Variants in VPS37A observed in about 807,000 individuals in gnomAD.
VPS37A encodes VPS37A subunit of ESCRT-I, also known as vacuolar protein sorting-associated protein 37A.
A neutral mutation model predicts 49.8 loss-of-function variants in VPS37A; 30 were observed. The ratio of observed to expected loss-of-function variants is 0.60; its 90% confidence interval spans 0.45 to 0.82. VPS37A has a LOEUF of 0.82. VPS37A is among the 40% of genes least tolerant of loss of function. The pLI, the probability that VPS37A is intolerant of heterozygous loss-of-function variation, is 0.00. For synonymous variants in VPS37A, 195 were observed against 160.6 expected, an observed-to-expected ratio of 1.21 and a Z score of -1.62; for missense variants, 593 against 464.4, an observed-to-expected ratio of 1.28 and a Z score of -2.55.
the VPS37A span, among the ~76,000 whole-genome samples, chr8:17,328,575 G>C: frequency 6.6e-6 from 1 of 152,006 alleles, no homozygotes; most frequent in Non-Finnish European, 1.5e-5. Context: ...GGCGGGGGTG[G>C]GGGAGTGGAG....
At chr8:17,253,652 G>A (rs1036095021) in intron 1 of VPS37A, among the ~76,000 whole-genome samples, 1 of 152,160 alleles carries the variant, frequency 6.6e-6, no homozygotes, top group Non-Finnish European at 1.5e-5. Flanking sequence ...TCTTTTAAAT[G>A]TAACTCAGAT....
chr8:17,299,427 A>T, downstream of VPS37A: 1 of 160,774 alleles, frequency 6.2e-6, no homozygotes, highest in Non-Finnish European at 1.4e-5. Context: ...AGGGTCGGAA[A>T]GGAGGATAAT....
rs115729515 is a variant in VPS37A at position 17,271,285 on chromosome 8, G to A, written c.416+2329G>A. On this transcript the variant is annotated intron_variant, in intron 4 of 11. Transcript: ENST00000324849. Reference sequence around the variant, plus strand: ...TTTGGTACTTTCTCTGTCCCTTGTAGACCCAAGATGACACAATTCCTTTAA... The same window carrying A: ...TTTGGTACTTTCTCTGTCCCTTGTAAACCCAAGATGACACAATTCCTTTAA... Among the ~76,000 whole-genome samples, 797 of 152,228 alleles carry A rather than the reference G, an allele frequency of 5.2e-3. 8 individuals carry two copies. Among genetic ancestry groups the A allele is most frequent in the African/African-American group, 0.018 (758 of 41,540 alleles).
At position 17,265,996 on chromosome 8, in the gene VPS37A, A is replaced by T; in HGVS notation, c.200+15A>T. Reference sequence around the variant, plus strand: ...AACATTAATATGTGAGTAGAATTGTATCCTACTTTTTCATGTAAAAGGACT... The same window carrying T: ...AACATTAATATGTGAGTAGAATTGTTTCCTACTTTTTCATGTAAAAGGACT... On this transcript the variant is annotated intron_variant, in intron 2 of 11. Transcript: ENST00000324849. The T allele has an allele frequency of 6.3e-7, 1 of 1,599,424 alleles. No homozygotes were observed. Among genetic ancestry groups the T allele is most frequent in the Non-Finnish European group, 8.5e-7 (1 of 1,173,520 alleles).
chr8:17,263,032 G>A (rs893412785), intron 1 of VPS37A, among the ~76,000 whole-genome samples: 17 of 146,968 alleles, frequency 1.2e-4, no homozygotes, highest in Non-Finnish European at 1.9e-4. Context: ...TTGCACTCCA[G>A]CCTGATGACT....
At chr8:17,322,617 C>G in the VPS37A span, among the ~76,000 whole-genome samples, 2 of 152,028 alleles carry the variant, frequency 1.3e-5, no homozygotes, top group South Asian at 4.2e-4. Context: ...CCCAGGAGTT[C>G]AAGATCAACC....
At chr8:17,271,157 T>A (rs1813948784) in intron 4 of VPS37A, among the ~76,000 whole-genome samples, 1 of 152,238 alleles carries the variant, frequency 6.6e-6, no homozygotes, top group Admixed American at 6.5e-5. Context: ...GCCTTCTGTG[T>A]CATAATTCCT....
intron 1 of VPS37A, among the ~76,000 whole-genome samples, chr8:17,265,359 G>A (rs1813347004): frequency 6.6e-6 from 1 of 152,146 alleles, no homozygotes; most frequent in African/African-American, 2.4e-5. Flanking sequence ...CTAGCTATAA[G>A]AACTAACTAG....
intron 9 of VPS37A, 78 bp from the exon 10 acceptor site, chr8:17,284,395 C>T: frequency 2.0e-6 from 3 of 1,480,120 alleles, no homozygotes; most frequent in East Asian, 2.5e-5. Flanking sequence ...CTCTCCATAC[C>T]ACTACCTTAC....
chr8:17,315,821 A>G, the VPS37A span, among the ~76,000 whole-genome samples: 1 of 152,146 alleles, frequency 6.6e-6, no homozygotes, highest in Non-Finnish European at 1.5e-5. Flanking sequence ...AGAACAGCCT[A>G]TATAAAGTAG....
At chr8:17,274,634 A>G in intron 4 of VPS37A, 99 bp from the exon 5 acceptor site, 1 of 841,770 alleles carries the variant, frequency 1.2e-6, no homozygotes, top group Non-Finnish European at 1.9e-6. Flanking sequence ...CATTTCATCT[A>G]TATAGTACTT....
At position 17,276,456 on chromosome 8, in the gene VPS37A, C is replaced by A. The variant is rs138313794; in HGVS notation, c.702C>A (p.Leu234=). The stretch of plus-strand genomic sequence containing the variant: ...ATGTCCCTGATGCATTTCCAGAACT[C>A]TCAGAACTAAGGTAAACCTGGAAAG... ...MPDVPDAFPE[L]SELSVSQLTD... Residue 234 remains leucine, a synonymous_variant, in exon 6 of 12, where the codon CTC becomes CTA. Coordinates refer to ENST00000324849, the MANE Select transcript of VPS37A (RefSeq NM_152415.3). 1.9e-6 allele frequency: 3 copies of A among 1,611,020 alleles called. No homozygotes were observed. Among genetic ancestry groups the A allele is most frequent in the Non-Finnish European group, 2.5e-6 (3 of 1,178,654 alleles).
the VPS37A span, among the ~76,000 whole-genome samples, chr8:17,332,637 G>C: frequency 9.2e-5 from 14 of 152,190 alleles, no homozygotes; most frequent in Non-Finnish European, 1.6e-4. Context: ...CATCACAAGA[G>C]AAGTACACTT....
intron 9 of VPS37A, among the ~76,000 whole-genome samples, chr8:17,282,838 C>T (rs1215792118): frequency 6.6e-6 from 1 of 152,158 alleles, no homozygotes; most frequent in East Asian, 1.9e-4. Context: ...ATCTTCTGCG[C>T]TCTTACATAT....
At chr8:17,254,711 G>A (rs1812281745) in intron 1 of VPS37A, among the ~76,000 whole-genome samples, 1 of 151,454 alleles carries the variant, frequency 6.6e-6, no homozygotes, top group African/African-American at 2.4e-5. Context: ...ATCTGTATAT[G>A]GTAGTTTTTG....
At chr8:17,271,108 A>G (rs566136383) in intron 4 of VPS37A, among the ~76,000 whole-genome samples, 2 of 152,318 alleles carry the variant, frequency 1.3e-5, no homozygotes, top group African/African-American at 4.8e-5. Context: ...TAGTTAATGG[A>G]AATGATTCTT....
chr8:17,261,550 C>T (rs1013026471), intron 1 of VPS37A, among the ~76,000 whole-genome samples: 3 of 152,182 alleles, frequency 2.0e-5, no homozygotes, highest in African/African-American at 7.2e-5. Flanking sequence ...TATGTCTTTA[C>T]TTTGACGAAT....
the VPS37A span, chr8:17,309,452 G>C: frequency 7.3e-6 from 5 of 688,590 alleles, no homozygotes; most frequent in Admixed American, 2.6e-5. Flanking sequence ...ACCTGCAAAT[G>C]CATGAACAGG....
At chr8:17,291,569 G>T (rs1244993282) in intron 11 of VPS37A, among the ~76,000 whole-genome samples, 3 of 151,124 alleles carry the variant, frequency 2.0e-5, no homozygotes, top group Non-Finnish European at 4.4e-5. Flanking sequence ...GTGATGTTAG[G>T]GTGTTGATTT....
Sources: gnomAD v4.1 joint callset for allele counts (sites outside exome capture counted in the v4.1 genomes callset) on GRCh38, gnomAD v4.1.1 for gene constraint, MANE v1.5 for transcripts, NCBI Gene and HGNC (gene_info 2026-07-23, HGNC 2026-07-21) for gene names.